GRM5: variants seen among roughly 807,000 people sequenced by gnomAD.
The protein encoded by GRM5 is metabotropic glutamate receptor 5.
GRM5 carries 19 observed loss-of-function variants against 83.1 expected under a neutral mutation model. The ratio of observed to expected loss-of-function variants is 0.23; its 90% CI spans 0.16 to 0.34. GRM5 has a LOEUF of 0.34. GRM5 is among the 10% of genes least tolerant of loss of function. The pLI is 1.00. For synonymous variants in GRM5, 675 were observed against 633.6 expected, an observed-to-expected ratio of 1.07 and a Z score of -0.98; for missense variants, 1,160 against 1,588.3, an observed-to-expected ratio of 0.73 and a Z score of 4.58.
intron 2 of GRM5, among the ~76,000 whole-genome samples, chr11:89,039,137 C>A (rs562284030): frequency 6.6e-6 from 1 of 151,968 alleles, no homozygotes; most frequent in East Asian, 1.9e-4. Flanking sequence ...CGGTGGCACG[C>A]ACCTGTAATC....
At chr11:88,842,808 C>T (rs1944227517) in intron 3 of GRM5, among the ~76,000 whole-genome samples, 1 of 152,108 alleles carries the variant, frequency 6.6e-6, no homozygotes, top group South Asian at 2.1e-4. Flanking sequence ...TCTCTCAATT[C>T]TATTTACAGC....
chr11:88,966,623 C>G (rs1294580579), intron 2 of GRM5, among the ~76,000 whole-genome samples: 3 of 152,056 alleles, frequency 2.0e-5, no homozygotes, highest in Admixed American at 2.0e-4. Flanking sequence ...TCCTACTCTA[C>G]TGTTGCGTTT....
chr11:88,952,997 A>G (rs1203145444), intron 2 of GRM5, among the ~76,000 whole-genome samples: 1 of 152,202 alleles, frequency 6.6e-6, no homozygotes, highest in Non-Finnish European at 1.5e-5. Context: ...TAAACTTTCT[A>G]TAATGTTAAA....
intron 4 of GRM5, among the ~76,000 whole-genome samples, chr11:88,648,821 C>A (rs563561830): frequency 6.6e-6 from 1 of 151,492 alleles, no homozygotes; most frequent in Non-Finnish European, 1.5e-5. Flanking sequence ...GAAAAGACTA[C>A]ACAGAGAATA....
intron 1 of GRM5, among the ~76,000 whole-genome samples, chr11:89,060,244 C>T (rs529422971): frequency 6.7e-6 from 1 of 149,150 alleles, no homozygotes; most frequent in South Asian, 2.1e-4. Flanking sequence ...ATTATTTTTG[C>T]CTTTTACATA....
intron 1 of GRM5, among the ~76,000 whole-genome samples, 199 bp from the exon 2 acceptor site, chr11:89,048,271 C>T (rs964218397): frequency 6.6e-6 from 1 of 152,212 alleles, no homozygotes. Context: ...CTTGACCCTG[C>T]CTTGCTTAGA....
At chr11:88,694,158 T>G (rs1194109500) in intron 3 of GRM5, among the ~76,000 whole-genome samples, 1 of 152,224 alleles carries the variant, frequency 6.6e-6, no homozygotes, top group African/African-American at 2.4e-5. Context: ...CATGGGGATA[T>G]GCTGCATAAT....
chr11:88,513,733 T>C lies in GRM5; in HGVS notation c.2727-4229A>G, dbSNP rs147095246. On this transcript the variant is annotated intron_variant, in intron 9 of 9. Transcript: ENST00000305447. The stretch of plus-strand genomic sequence containing the variant: ...CTTGCCACCTTTGAGCTTCTTTCTT[T>C]ATTGGAAAAAAAGAAAAGAAAAGAA... Among the ~76,000 whole-genome samples, 578 of 151,984 alleles carry C rather than the reference T, an allele frequency of 3.8e-3. 2 individuals are homozygous for C. Among genetic ancestry groups the C allele is most frequent in the African/African-American group, 0.012 (506 of 41,330 alleles).
At chr11:89,014,588 G>A (rs1239318939) in intron 2 of GRM5, among the ~76,000 whole-genome samples, 1 of 152,098 alleles carries the variant, frequency 6.6e-6, no homozygotes, top group Non-Finnish European at 1.5e-5. Flanking sequence ...AAAATAGAAA[G>A]AATGAATAAG....
chr11:88,698,328 T>C (rs1940948409), intron 3 of GRM5, among the ~76,000 whole-genome samples: 1 of 152,210 alleles, frequency 6.6e-6, no homozygotes, highest in Non-Finnish European at 1.5e-5. Flanking sequence ...ATGTGTGTCA[T>C]GTCCTCTTCT....
intron 2 of GRM5, among the ~76,000 whole-genome samples, chr11:88,880,926 A>C (rs957292249): frequency 3.9e-5 from 6 of 152,180 alleles, no homozygotes; most frequent in African/African-American, 7.2e-5. Flanking sequence ...CCTATCTTAT[A>C]GAATTGTTGT....
At chr11:88,619,914 G>GAA (rs200938832) in intron 4 of GRM5, among the ~76,000 whole-genome samples, 1 of 147,496 alleles carries the variant, frequency 6.8e-6, no homozygotes, top group African/African-American at 2.5e-5. Flanking sequence ...ACATTGCAAT[G>GAA]AAAAAAAAAA....
At chr11:88,956,808 G>GA (rs1308203921) in intron 2 of GRM5, among the ~76,000 whole-genome samples, 3 of 151,872 alleles carry the variant, frequency 2.0e-5, no homozygotes, top group African/African-American at 4.8e-5. Flanking sequence ...TCCGTCAAAA[G>GA]AAAAAAAGAA....
chr11:88,920,279 T>A (rs1288838000), intron 2 of GRM5, among the ~76,000 whole-genome samples: 1 of 151,784 alleles, frequency 6.6e-6, no homozygotes, highest in Non-Finnish European at 1.5e-5. Context: ...TGCCAATAAA[T>A]TGGAAAACCT....
intron 8 of GRM5, among the ~76,000 whole-genome samples, chr11:88,541,039 C>T (rs768672151): frequency 3.9e-5 from 6 of 152,026 alleles, no homozygotes; most frequent in East Asian, 1.9e-4. Flanking sequence ...CGTGAGTCAC[C>T]GCGCCCAGCC....
Position 88,805,219 on chromosome 11 carries a change from GTC to G in GRM5, c.911+44685_911+44686del, listed in dbSNP as rs907046380. On this transcript the variant is annotated intron_variant, in intron 3 of 9. Transcript: ENST00000305447. ...ATTTATTTATTTATTTTGAGACAGA[GTC>G]TCACTCTGTTGCCAGGCTGGAGTGC... Among the ~76,000 whole-genome samples the G allele has an allele frequency of 1.8e-4, 28 of 152,044 alleles. 1 individual carries two copies. The highest frequency in any genetic ancestry group is 6.3e-4 in the African/African-American group (26 of 41,410).
At chr11:89,000,700 A>G (rs1467261259) in intron 2 of GRM5, among the ~76,000 whole-genome samples, 4 of 152,168 alleles carry the variant, frequency 2.6e-5, no homozygotes, top group Admixed American at 1.3e-4. Context: ...AATTGTAAAT[A>G]GAGCTTCAAC....
chr11:88,979,251 T>C (rs900699716), intron 2 of GRM5, among the ~76,000 whole-genome samples: 7 of 152,180 alleles, frequency 4.6e-5, no homozygotes, highest in Admixed American at 2.6e-4. Flanking sequence ...GCCTCTCAAG[T>C]CATGGAGGGT....
In GRM5 at chr11:88,905,711, A is replaced by G. The variant is rs546820197; in HGVS notation, c.662-55556T>C. The stretch of plus-strand genomic sequence containing the variant: ...TCACCTGGAGGATGGTCTTAGTGAT[A>G]CCTGACTTTGAGTCTCTTTCAGTCT... On this transcript the variant is annotated intron_variant, in intron 2 of 9. Coordinates refer to ENST00000305447, the MANE Select transcript of GRM5 (RefSeq NM_001143831.3). Among the ~76,000 whole-genome samples the G allele has an allele frequency of 1.1e-4, 16 of 152,226 alleles. 1 individual carries two copies. In the South Asian group the frequency reaches 3.1e-3, roughly 30 times the overall value.
Sources: allele counts gnomAD v4.1 joint callset (sites outside exome capture counted in the v4.1 genomes callset), GRCh38; gene constraint gnomAD v4.1.1; transcripts MANE v1.5; gene names NCBI Gene and HGNC (gene_info 2026-07-23, HGNC 2026-07-21).